Variants in TSNARE1 observed in about 807,000 individuals in gnomAD.
The protein encoded by TSNARE1 is t-SNARE domain containing 1, also known as t-SNARE domain-containing protein 1.
TSNARE1 carries 49 observed loss-of-function variants against 62.0 expected under a neutral mutation model. The ratio of observed to expected loss-of-function variants is 0.79; its 90% CI spans 0.63 to 1.00. The LOEUF (loss-of-function observed/expected upper bound fraction) is 1.00, where lower values mean the gene tolerates loss of function less well. Among genes scored for constraint, TSNARE1 ranks in the 50% least tolerant of loss-of-function variants. The pLI, the probability that TSNARE1 is intolerant of heterozygous loss-of-function variation, is 0.00. For missense variants in TSNARE1, 755 were observed against 700.1 expected, an observed-to-expected ratio of 1.08 and a Z score of -0.88; for synonymous variants, 328 against 294.4, an observed-to-expected ratio of 1.11 and a Z score of -1.17.
chr8:142,369,917 C>T (rs1835805658), intron 1 of TSNARE1, among the ~76,000 whole-genome samples: 1 of 152,204 alleles, frequency 6.6e-6, no homozygotes, highest in Non-Finnish European at 1.5e-5. Context: ...GAATGAAAGG[C>T]ATTCACTCTA....
chr8:142,345,996 C>T lies in TSNARE1; in HGVS notation c.89-104G>A, dbSNP rs564222391. 3.5e-5 allele frequency: 47 copies of T among 1,339,994 alleles called. No homozygotes were observed. In the African/African-American group the frequency reaches 6.4e-4, roughly 18 times the overall value. The allele number at this position is 1,339,994 out of a possible 1,614,324, so 83.0% of individuals were successfully genotyped here. A position where few individuals can be genotyped will look rare whatever the true frequency, so the allele number is the denominator to read the frequency against. On this transcript the variant is annotated intron_variant, in intron 2 of 13. Coordinates refer to ENST00000524325, the MANE Select transcript of TSNARE1 (RefSeq NM_145003.5). ...GCAGACACCCAGGACCCGAGATGCT[C>T]CACTCAGGGCTCCTCCTCCAGGAAG...
At chr8:142,294,068 G>C (rs1241054351) in intron 10 of TSNARE1, among the ~76,000 whole-genome samples, 1 of 152,190 alleles carries the variant, frequency 6.6e-6, no homozygotes, top group Non-Finnish European at 1.5e-5. Context: ...GAGGGAGTAA[G>C]GGAGCCCAGG....
chr8:142,221,661 T>C (rs74196695), intron 13 of TSNARE1, among the ~76,000 whole-genome samples: 11,552 of 143,016 alleles, frequency 0.081, 1,917 homozygotes, highest in African/African-American at 0.28. Flanking sequence ...ATCCACTCAC[T>C]CACTCACTCA....
At chr8:142,356,199 G>A (rs1197772552) in intron 1 of TSNARE1, among the ~76,000 whole-genome samples, 1 of 152,184 alleles carries the variant, frequency 6.6e-6, no homozygotes, top group Non-Finnish European at 1.5e-5. Context: ...ACTCACACCT[G>A]CTGCTGGCGC....
At chr8:142,360,944 C>T (rs186315879) in intron 1 of TSNARE1, among the ~76,000 whole-genome samples, 293 of 152,286 alleles carry the variant, frequency 1.9e-3, no homozygotes, top group African/African-American at 5.8e-3. Flanking sequence ...GGGGCCAGGC[C>T]CCCACACAGG....
chr8:142,345,619 T>C lies in TSNARE1; in HGVS notation c.238+124A>G, dbSNP rs528111306. 1,531 of 1,193,176 alleles carry C rather than the reference T, an allele frequency of 1.3e-3. 14 individuals are homozygous for C. The African/African-American group carries it at 0.021, about 16-fold the overall frequency. 73.9% of individuals were successfully genotyped at this position (1,193,176 alleles called of 1,614,324 possible). A position where few individuals can be genotyped will look rare whatever the true frequency, so the allele number is the denominator to read the frequency against. On this transcript the variant is annotated intron_variant, in intron 3 of 13. Coordinates refer to ENST00000524325, the MANE Select transcript of TSNARE1 (RefSeq NM_145003.5). Reference sequence around the variant, plus strand: ...CCTGGCAGGGGGCAGGGGATGCAGGTCCCTTGCCTCCTGGTCCCAGCCTCC... The same window carrying C: ...CCTGGCAGGGGGCAGGGGATGCAGGCCCCTTGCCTCCTGGTCCCAGCCTCC...
intron 9 of TSNARE1, among the ~76,000 whole-genome samples, chr8:142,302,893 G>A (rs540050684): frequency 2.0e-5 from 3 of 152,276 alleles, no homozygotes; most frequent in African/African-American, 7.2e-5. Context: ...TGTCCACCAA[G>A]AGCAGCTGGC....
At chr8:142,271,584 C>A in intron 12 of TSNARE1, 1 of 1,419,672 alleles carries the variant, frequency 7.0e-7, no homozygotes, top group East Asian at 3.0e-5. Flanking sequence ...GAGGTGGGTG[C>A]GTGGAAGACT....
intron 12 of TSNARE1, among the ~76,000 whole-genome samples, chr8:142,264,524 G>A (rs12547214): frequency 0.38 from 58,096 of 151,998 alleles, 11,747 homozygotes; most frequent in African/African-American, 0.5. Context: ...GAAACCTTCC[G>A]CTGTCCTGAT....
At position 142,314,386 on chromosome 8, in the gene TSNARE1, G is replaced by A. The variant is rs1586743963; in HGVS notation, c.1129C>T (p.Gln377Ter). 2 of 1,613,798 alleles carry A rather than the reference G, an allele frequency of 1.2e-6. No individual in the cohort carries two copies. Among genetic ancestry groups the A allele is most frequent in the Non-Finnish European group, 8.5e-7 (1 of 1,179,868 alleles). The change falls in exon 9 of 14, where the codon CAG (glutamine) becomes TAG (stop). Residue 377 changes from glutamine to a stop codon, truncating the protein, a stop_gained and splice_region_variant. Transcript: ENST00000524325. LOFTEE classifies it high-confidence loss of function. ...LLPMAQRGSK[Q>*]SPQAPFAELA... ...CATGGTCAGTACTCGGCACCCACCT[G>A]TTTACTGCCCCTCTGCGCCATGGGA...
chr8:142,218,649 G>A (rs1377566273), intron 13 of TSNARE1, among the ~76,000 whole-genome samples: 1 of 152,174 alleles, frequency 6.6e-6, no homozygotes, highest in South Asian at 2.1e-4. Flanking sequence ...AGACCCACAG[G>A]CCGACACCCG....
In TSNARE1 at chr8:142,314,434, C is replaced by A; in HGVS notation, c.1081G>T (p.Ala361Ser). Residue 361 changes from alanine to serine, a missense_variant, in exon 9 of 14, where the codon GCA (alanine) becomes TCA (serine). Transcript: ENST00000524325. ...QCYGVVQKKI[A>S]EKSRALLPMA... ...GGAAGCAGCGCTCTGGACTTTTCTGCAATTTTCTGTTGAAAAAAGGACAAG... is the reference window on the plus strand; with the variant it reads ...GGAAGCAGCGCTCTGGACTTTTCTGAAATTTTCTGTTGAAAAAAGGACAAG... 6.2e-7 allele frequency: 1 copy of A among 1,613,904 alleles called. No homozygotes were observed. The highest frequency in any genetic ancestry group is 8.5e-7 in the Non-Finnish European group (1 of 1,179,932).
Position 142,222,707 on chromosome 8 carries a change from C to T in TSNARE1, c.*11+6766G>A, listed in dbSNP as rs200546673. 5.2e-3 allele frequency among the ~76,000 whole-genome samples: 355 copies of T among 67,788 alleles called. 27 individuals are homozygous for T. Among genetic ancestry groups the T allele is most frequent in the African/African-American group, 0.015 (324 of 21,192 alleles). The allele number at this position is 67,788 out of a possible 152,430, so 44.5% of individuals were successfully genotyped here. On this transcript the variant is annotated intron_variant, in intron 13 of 13. Transcript: ENST00000524325. ...ATCCACTCACTCACTCATCCACTCACTCACTCATCCACTCACTCACTCATC... is the reference window on the plus strand; with the variant it reads ...ATCCACTCACTCACTCATCCACTCATTCACTCATCCACTCACTCACTCATC...
intron 4 of TSNARE1, among the ~76,000 whole-genome samples, chr8:142,339,818 C>T (rs929291023): frequency 2.6e-5 from 4 of 152,348 alleles, no homozygotes; most frequent in South Asian, 2.1e-4. Flanking sequence ...CCCTCGCCAG[C>T]GGAGAGCAGC....
chr8:142,270,842 G>A, intron 12 of TSNARE1: 2 of 985,426 alleles, frequency 2.0e-6, no homozygotes, highest in Non-Finnish European at 1.2e-6. Context: ...CTGGTCCACT[G>A]AGTCCCACAG....
chr8:142,274,603 C>T (rs902749753), intron 12 of TSNARE1, 178 bp downstream of exon 12: 2 of 985,336 alleles, frequency 2.0e-6, no homozygotes, highest in African/African-American at 3.5e-5. Context: ...CTGCCGCAAC[C>T]CCGCCACTCC....
Position 142,281,568 on chromosome 8 carries a change from G to A in TSNARE1, c.1363+2845C>T, listed in dbSNP as rs541087708. 3.9e-5 allele frequency among the ~76,000 whole-genome samples: 6 copies of A among 152,104 alleles called. No individual in the cohort carries two copies. In the South Asian group the frequency reaches 1.0e-3, roughly 26 times the overall value. On this transcript the variant is annotated intron_variant, in intron 11 of 13. Coordinates refer to ENST00000524325, the MANE Select transcript of TSNARE1 (RefSeq NM_145003.5). ...AGACTCTGGCTCTCCACAAGCAGAGGAGGCCACAGCGCATGGAGTCAGAAC... is the reference window on the plus strand; with the variant it reads ...AGACTCTGGCTCTCCACAAGCAGAGAAGGCCACAGCGCATGGAGTCAGAAC...
At chr8:142,280,993 C>T (rs576544229) in intron 11 of TSNARE1, among the ~76,000 whole-genome samples, 3 of 152,302 alleles carry the variant, frequency 2.0e-5, no homozygotes, top group South Asian at 4.1e-4. Flanking sequence ...GTGCTTGAGC[C>T]GCAGTCACTC....
At chr8:142,305,204 G>C (rs1190000795) in intron 9 of TSNARE1, among the ~76,000 whole-genome samples, 2 of 152,198 alleles carry the variant, frequency 1.3e-5, no homozygotes, top group South Asian at 4.1e-4. Context: ...CCTGGACTTG[G>C]GGGTTTCAGT....
Sources: gnomAD v4.1 joint callset for allele counts (sites outside exome capture counted in the v4.1 genomes callset) on GRCh38, gnomAD v4.1.1 for gene constraint, MANE v1.5 for transcripts, NCBI Gene and HGNC (gene_info 2026-07-23, HGNC 2026-07-21) for gene names.